The following MT4 variants were observed in gnomAD, a reference collection of about 807,000 sequenced individuals.
MT4 encodes metallothionein-4.
MT4 carries 11 observed loss-of-function variants against 9.5 expected under a neutral mutation model. The observed-to-expected ratio is 1.16, with a 90% CI of 0.73 to 1.92. The LOEUF is 1.92. MT4 is among the 30% of genes most tolerant of loss of function. The probability of loss-of-function intolerance (pLI) is 0.00; values close to 1 mark genes in which losing one functional copy is unlikely to be tolerated. For missense variants in MT4, 88 were observed against 78.7 expected, an observed-to-expected ratio of 1.12 and a Z score of -0.45; for synonymous variants, 29 against 24.6, an observed-to-expected ratio of 1.18 and a Z score of -0.53.
intron 2 of MT4, 22 bp from the exon 3 acceptor site, chr16:56,568,819 G>A (rs776427975): frequency 6.4e-7 from 1 of 1,554,326 alleles, no homozygotes. Flanking sequence ...CAGCGGATCT[G>A]CGCATCTCCT....
chr16:56,566,036 C>T (rs551357747), intron 1 of MT4, among the ~76,000 whole-genome samples: 39 of 150,518 alleles, frequency 2.6e-4, no homozygotes, highest in Non-Finnish European at 4.7e-4. Context: ...TGCACTCCAG[C>T]CTAGGTAATA....
intron 2 of MT4, among the ~76,000 whole-genome samples, chr16:56,568,271 G>GAGAGAGAGAGAAAGAAAGAA (rs1567330643): frequency 5.1e-5 from 3 of 58,650 alleles, no homozygotes; most frequent in Non-Finnish European, 7.4e-5. Flanking sequence ...GAGAGAGAGA[G>GAGAGAGAGAGAAAGAAAGAA]AGAAAGAAAG....
intron 2 of MT4, among the ~76,000 whole-genome samples, chr16:56,568,221 A>G (rs1258019471): frequency 7.4e-4 from 21 of 28,488 alleles, no homozygotes; most frequent in South Asian, 2.6e-3. Flanking sequence ...GAGAGAAAGA[A>G]AGAAAGAAAG....
At chr16:56,566,157 A>G (rs1344625764) in intron 1 of MT4, among the ~76,000 whole-genome samples, 1 of 152,192 alleles carries the variant, frequency 6.6e-6, no homozygotes, top group East Asian at 1.9e-4. Context: ...AAAAACTTGC[A>G]AAAGAGGCAG....
In MT4 at chr16:56,566,700, GAGAAAGAAAGAAAGAAAGAA is replaced by G. The variant is rs779895274; in HGVS notation, c.32-1022_32-1003del. On this transcript the variant is annotated intron_variant, in intron 1 of 2. Transcript: ENST00000219162. The stretch of plus-strand genomic sequence containing the variant: ...GAGAAAAAGAAAAGAAAGAAAGAAA[GAGAAAGAAAGAAAGAAAGAA>G]AGAAAGAAAGAAAGAAAGAAAGAAA... Among the ~76,000 whole-genome samples the G allele has an allele frequency of 5.0e-3, 368 of 73,380 alleles. 8 individuals are homozygous for G. Among genetic ancestry groups the G allele is most frequent in the African/African-American group, 0.018 (297 of 16,572 alleles). 48.1% of individuals were successfully genotyped at this position (73,380 alleles called of 152,430 possible). A position where few individuals can be genotyped will look rare whatever the true frequency, so the allele number is the denominator to read the frequency against.
chr16:56,568,271 G>GAAAGAAAGAAAGAA (rs1349217551), intron 2 of MT4, among the ~76,000 whole-genome samples: 13 of 58,638 alleles, frequency 2.2e-4, no homozygotes, highest in South Asian at 8.3e-4. Flanking sequence ...GAGAGAGAGA[G>GAAAGAAAGAAAGAA]AGAAAGAAAG....
chr16:56,567,699 C>A, intron 1 of MT4, 52 bp from the exon 2 acceptor site: 1 of 1,545,164 alleles, frequency 6.5e-7, no homozygotes, highest in South Asian at 1.1e-5. Context: ...GCCTTATGTT[C>A]CCCACTCCAT....
chr16:56,566,730 GAAA>G (rs1959527424), intron 1 of MT4, among the ~76,000 whole-genome samples: 21 of 32,794 alleles, frequency 6.4e-4, no homozygotes, highest in African/African-American at 1.7e-3. Flanking sequence ...AAGAAAGAAA[GAAA>G]GAAAGAAAGA....
chr16:56,568,945 G>A lies in MT4; in HGVS notation c.*13G>A, dbSNP rs369105636. The A allele has an allele frequency of 3.1e-5, 49 of 1,585,464 alleles. No individual in the cohort carries two copies. The Middle Eastern group carries it at 5.1e-4, about 16-fold the overall frequency. On this transcript the variant is annotated 3_prime_UTR_variant, in exon 3 of 3. Transcript: ENST00000219162. ...CTGCTGCCCATGAAAGCCATCCATCGTGCCCACCCCTTCCAAGGAGAGAAA... is the reference window on the plus strand; with the variant it reads ...CTGCTGCCCATGAAAGCCATCCATCATGCCCACCCCTTCCAAGGAGAGAAA...
chr16:56,566,745 A>AGAAAGAAAGAAG (rs1567329863), intron 1 of MT4, among the ~76,000 whole-genome samples: 6 of 46,144 alleles, frequency 1.3e-4, no homozygotes, highest in African/African-American at 3.2e-4. Context: ...AAAGAAAGAA[A>AGAAAGAAAGAAG]GAAGGAAGGA....
At chr16:56,568,741 C>A in intron 2 of MT4, 100 bp from the exon 3 acceptor site, 1 of 802,654 alleles carries the variant, frequency 1.2e-6, no homozygotes, top group Non-Finnish European at 2.0e-6. Context: ...ACCTCATGCA[C>A]ACACCCCTCT....
In MT4 at chr16:56,568,692, C is replaced by T. The variant is rs1195383962; in HGVS notation, c.98-149C>T. On this transcript the variant is annotated intron_variant, in intron 2 of 2. Transcript: ENST00000219162. Reference sequence around the variant, plus strand: ...GATCCCTTCCAGTTCTAACATGCCTCAACCTCCTATCTCAGCATTTTTGCT... The same window carrying T: ...GATCCCTTCCAGTTCTAACATGCCTTAACCTCCTATCTCAGCATTTTTGCT... 8.8e-6 allele frequency: 5 copies of T among 570,176 alleles called. No individual in the cohort carries two copies. In the East Asian group the frequency reaches 1.2e-4, roughly 13 times the overall value. 35.3% of individuals were successfully genotyped at this position (570,176 alleles called of 1,614,324 possible). A position where few individuals can be genotyped will look rare whatever the true frequency, so the allele number is the denominator to read the frequency against.
At chr16:56,566,718 GAAAGAAAGAA>G in intron 1 of MT4, among the ~76,000 whole-genome samples, 1 of 25,700 alleles carries the variant, frequency 3.9e-5, no homozygotes, top group Non-Finnish European at 9.7e-5. Context: ...AAGAAAGAAA[GAAAGAAAGAA>G]AGAAAGAAAG....
chr16:56,565,271 G>A lies in MT4; in HGVS notation c.31+112G>A. The A allele has an allele frequency of 4.1e-6, 5 of 1,231,390 alleles. No homozygotes were observed. The South Asian group carries it at 5.9e-5, about 15-fold the overall frequency. 76.3% of individuals were successfully genotyped at this position (1,231,390 alleles called of 1,614,324 possible). A position where few individuals can be genotyped will look rare whatever the true frequency, so the allele number is the denominator to read the frequency against. ...TCCCTCTAATTAGGAGCCACCAATG[G>A]GGTTCGTCCTGGGAGCCGACAGGTG... On this transcript the variant is annotated intron_variant, in intron 1 of 2. Coordinates refer to ENST00000219162, the MANE Select transcript of MT4 (RefSeq NM_032935.3).
chr16:56,566,774 GAAAGAAA>G (rs1959531966), intron 1 of MT4, among the ~76,000 whole-genome samples: 7 of 20,050 alleles, frequency 3.5e-4, no homozygotes, highest in East Asian at 1.0e-3. Flanking sequence ...AGGAAGGAAA[GAAAGAAA>G]GAAAGAAAGA....
intron 1 of MT4, 107 bp downstream of exon 1, chr16:56,565,266 C>A (rs1959502422): frequency 2.4e-6 from 3 of 1,269,778 alleles, no homozygotes; most frequent in East Asian, 2.7e-5. Context: ...TAGGAGCCAC[C>A]AATGGGGTTC....
At chr16:56,566,593 A>G (rs1223884660) in intron 1 of MT4, among the ~76,000 whole-genome samples, 1 of 148,582 alleles carries the variant, frequency 6.7e-6, no homozygotes, top group Non-Finnish European at 1.5e-5. Context: ...AGGAAGAGAG[A>G]GAGAGAGAAA....
intron 1 of MT4, among the ~76,000 whole-genome samples, chr16:56,566,386 T>C (rs1387222268): frequency 2.6e-5 from 4 of 151,622 alleles, no homozygotes; most frequent in African/African-American, 9.7e-5. Flanking sequence ...ATTAGCCAGG[T>C]GTGGTGGTGC....
Position 56,567,810 on chromosome 16 carries a change from T to C in MT4, c.91T>C (p.Trp31Arg), listed in dbSNP as rs666647. 1,543,175 of 1,612,060 alleles carry C rather than the reference T, an allele frequency of 0.96. 740,788 individuals carry two copies. The highest frequency in any genetic ancestry group is 0.98 in the Non-Finnish European group (1,149,457 of 1,178,786). Residue 31 changes from tryptophan (W) to arginine (R), a missense_variant, in exon 2 of 3, where the codon TGG (tryptophan) becomes CGG (arginine). Trp to Arg is a moderately radical substitution (Grantham distance 101). Coordinates refer to ENST00000219162, the MANE Select transcript of MT4 (RefSeq NM_032935.3). ...KCTTCNCKTY[W>R]KSCCPCCPPG... ...CACAACCTGCAACTGTAAAACATAT[T>C]GGAAGAGTGAGTATGGTGACTGGGG...
Sources: allele counts gnomAD v4.1 joint callset (sites outside exome capture counted in the v4.1 genomes callset), GRCh38; gene constraint gnomAD v4.1.1; transcripts MANE v1.5; gene names NCBI Gene and HGNC (gene_info 2026-07-23, HGNC 2026-07-21).